QTRT2: variants seen among roughly 807,000 people sequenced by gnomAD.
The protein encoded by QTRT2 is queuine tRNA-ribosyltransferase accessory subunit 2.
Under a neutral mutation model 44.8 loss-of-function variants are expected in QTRT2, and 32 were observed. The ratio of observed to expected loss-of-function variants is 0.71; its 90% CI spans 0.54 to 0.96. The LOEUF (loss-of-function observed/expected upper bound fraction) is 0.96, where lower values mean the gene tolerates loss of function less well. Among genes scored for constraint, QTRT2 ranks in the 40% least tolerant of loss-of-function variants. QTRT2 has a pLI of 0.00. For synonymous variants in QTRT2, 182 were observed against 187.4 expected, an observed-to-expected ratio of 0.97 and a Z score of 0.24; for missense variants, 461 against 503.1, an observed-to-expected ratio of 0.92 and a Z score of 0.80.
At chr3:114,067,904 A>C (rs1453294592) in intron 4 of QTRT2, 83 bp from the exon 5 acceptor site, 1 of 1,171,394 alleles carries the variant, frequency 8.5e-7, no homozygotes, top group Non-Finnish European at 1.3e-6. Flanking sequence ...TCAGCAGTAC[A>C]CATTGCGAAG....
chr3:114,079,525 T>C (rs6808983), intron 7 of QTRT2: 92,926 of 169,464 alleles, frequency 0.55, 25,872 homozygotes, highest in African/African-American at 0.62. Context: ...GCAACAAGAG[T>C]AAGACTCCCT....
rs758438730 is a variant in QTRT2 at position 114,085,729 on chromosome 3, A to G, written c.1073A>G (p.Asn358Ser). The G allele has an allele frequency of 1.9e-6, 3 of 1,614,108 alleles. No individual in the cohort carries two copies. Among genetic ancestry groups the G allele is most frequent in the African/African-American group, 2.7e-5 (2 of 74,930 alleles). ...GGATGTTCCTGTTACTGCTGTAAGA[A>G]TCACACTCGGGCATACATCCACCAT... ...VRGCSCYCCK[N>S]HTRAYIHHLL... is the part of the protein sequence containing the mutation. The change falls in exon 10 of 10, where the codon AAT becomes AGT. Residue 358 changes from asparagine to serine, a missense_variant. Transcript: ENST00000281273.
At chr3:114,057,577 T>C (rs1224146299) in intron 2 of QTRT2, 1 of 152,238 alleles carries the variant, frequency 6.6e-6, no homozygotes, top group Non-Finnish European at 1.5e-5. Flanking sequence ...GCTCTGTAAC[T>C]GGTCTGTCTG....
In QTRT2 at chr3:114,085,663, T is replaced by A; in HGVS notation, c.1017-10T>A. On this transcript the variant is annotated splice_polypyrimidine_tract_variant and intron_variant, in intron 9 of 9. Coordinates refer to ENST00000281273, the MANE Select transcript of QTRT2 (RefSeq NM_024638.4). ...TACTTTCTGGAATGTCACTGTGACT[T>A]CTTTCTTAGGTACCAGGAGGACTTT... 6.2e-7 allele frequency: 1 copy of A among 1,609,962 alleles called. No homozygotes were observed. Among genetic ancestry groups the A allele is most frequent in the Non-Finnish European group, 8.5e-7 (1 of 1,176,150 alleles).
intron 5 of QTRT2, among the ~76,000 whole-genome samples, chr3:114,069,801 GC>G (rs1320937977): frequency 2.0e-5 from 3 of 152,054 alleles, no homozygotes; most frequent in African/African-American, 4.8e-5. Flanking sequence ...TTTGCTTTTA[GC>G]TCAAAGATAG....
intron 2 of QTRT2, among the ~76,000 whole-genome samples, chr3:114,063,754 A>G (rs1457399145): frequency 3.3e-5 from 5 of 152,112 alleles, no homozygotes; most frequent in Non-Finnish European, 4.4e-5. Context: ...CTAAGATTCT[A>G]ATGACAAAGA....
chr3:114,082,301 GT>G (rs1273194076), intron 8 of QTRT2, among the ~76,000 whole-genome samples: 1 of 151,454 alleles, frequency 6.6e-6, no homozygotes, highest in African/African-American at 2.4e-5. Flanking sequence ...CAGGCTGGTG[GT>G]GTACTCCTGA....
Position 114,082,787 on chromosome 3 carries a change from GA to G in QTRT2, c.1016del (p.Lys339SerfsTer10). ...EITSFEINLK[E>X]KKYQEDFNPL... ...AACATCATTTGAAATTAATCTGAAG[GA>G]AAAAAAGTAAGAAATTTTTAAAAGT... On this transcript the variant is annotated frameshift_variant, in exon 9 of 10. Coordinates refer to ENST00000281273, the MANE Select transcript of QTRT2 (RefSeq NM_024638.4). LOFTEE classifies it high-confidence loss of function. The G allele has an allele frequency of 4.3e-6, 6 of 1,393,208 alleles. No individual in the cohort carries two copies. The highest frequency in any genetic ancestry group is 5.9e-6 in the Non-Finnish European group (6 of 1,008,714). The allele number at this position is 1,393,208 out of a possible 1,614,324, so 86.3% of individuals were successfully genotyped here.
Position 114,056,873 on chromosome 3 carries a change from C to A in QTRT2, c.-130+9C>A. 1 of 1,535,788 alleles carries A rather than the reference C, an allele frequency of 6.5e-7. No individual in the cohort carries two copies. Among genetic ancestry groups the A allele is most frequent in the Non-Finnish European group, 8.7e-7 (1 of 1,146,728 alleles). On this transcript the variant is annotated intron_variant, in intron 1 of 9. Coordinates refer to ENST00000281273, the MANE Select transcript of QTRT2 (RefSeq NM_024638.4). ...GAATGGTTTGTTGGCAGGTAAGTGC[C>A]CCTTTGCCCTGCTGGTGTGGGAGCT...
chr3:114,067,953 G>C, intron 4 of QTRT2, 34 bp from the exon 5 acceptor site: 1 of 1,590,358 alleles, frequency 6.3e-7, no homozygotes. Context: ...GTTGATGTAA[G>C]CACTTTCAAG....
rs1038967432 is a variant in QTRT2 at position 114,087,010 on chromosome 3, A to C, written c.*1106A>C. 2 of 152,158 alleles carry C rather than the reference A, an allele frequency of 1.3e-5. No homozygotes were observed. The highest frequency in any genetic ancestry group is 4.8e-5 in the African/African-American group (2 of 41,424). The allele number at this position is 152,158 out of a possible 1,614,324, so 9.4% of individuals were successfully genotyped here. A position where few individuals can be genotyped will look rare whatever the true frequency, so the allele number is the denominator to read the frequency against. ...GAGAGGTTTGGCCTGTGGGTTTTTA[A>C]GTGGTTATTGAATTGGTATCAGGAG... On this transcript the variant is annotated 3_prime_UTR_variant, in exon 10 of 10. Transcript: ENST00000281273.
intron 2 of QTRT2, among the ~76,000 whole-genome samples, chr3:114,064,614 A>G (rs2076928749): frequency 6.6e-6 from 1 of 152,182 alleles, no homozygotes; most frequent in South Asian, 2.1e-4. Flanking sequence ...CACTTTGCTT[A>G]TGGATTGCGT....
chr3:114,057,233 A>G, intron 2 of QTRT2, 127 bp downstream of exon 2: 1 of 266,488 alleles, frequency 3.8e-6, no homozygotes, highest in Non-Finnish European at 6.5e-6. Context: ...AGATAAATCC[A>G]GGCTTATTGG....
chr3:114,066,725 G>C (rs2076958752), intron 4 of QTRT2, among the ~76,000 whole-genome samples: 1 of 152,184 alleles, frequency 6.6e-6, no homozygotes. Context: ...AAGAGTAAAA[G>C]TTACCCAGGT....
chr3:114,060,636 A>G, intron 2 of QTRT2, among the ~76,000 whole-genome samples: 1 of 152,360 alleles, frequency 6.6e-6, no homozygotes, highest in East Asian at 1.9e-4. Flanking sequence ...CTATCTATAC[A>G]TACCTATAAT....
At chr3:114,061,341 C>T (rs927554851) in intron 2 of QTRT2, among the ~76,000 whole-genome samples, 1 of 152,100 alleles carries the variant, frequency 6.6e-6, no homozygotes, top group South Asian at 2.1e-4. Flanking sequence ...TAGGTTTGAG[C>T]CTGACCCTGA....
At chr3:114,081,158 T>A (rs746136512) in intron 8 of QTRT2, among the ~76,000 whole-genome samples, 2 of 152,210 alleles carry the variant, frequency 1.3e-5, no homozygotes, top group Non-Finnish European at 2.9e-5. Flanking sequence ...ACAAGATCAT[T>A]TTTGGCCAGA....
rs546428526 is a variant in QTRT2 at position 114,064,119 on chromosome 3, G to A, written c.-21-1118G>A. On this transcript the variant is annotated intron_variant, in intron 2 of 9. Transcript: ENST00000281273. ...AATCTCAACTACTTGGGAGGCTGAGGCAGGAGAATCTCTTGAACCCGAGAA... is the reference window on the plus strand; with the variant it reads ...AATCTCAACTACTTGGGAGGCTGAGACAGGAGAATCTCTTGAACCCGAGAA... 6.6e-5 allele frequency among the ~76,000 whole-genome samples: 10 copies of A among 152,202 alleles called. No homozygotes were observed. In the South Asian group the frequency reaches 2.1e-3, roughly 32 times the overall value.
At chr3:114,070,958 ACTCT>A (rs1559954586) in intron 6 of QTRT2, 120 bp downstream of exon 6, 6 of 703,870 alleles carry the variant, frequency 8.5e-6, no homozygotes, top group Non-Finnish European at 1.4e-5. Flanking sequence ...TGTCTATTTT[ACTCT>A]CTATTTTTAT....
Sources: allele counts gnomAD v4.1 joint callset (sites outside exome capture counted in the v4.1 genomes callset), GRCh38; gene constraint gnomAD v4.1.1; transcripts MANE v1.5; gene names NCBI Gene and HGNC (gene_info 2026-07-23, HGNC 2026-07-21).